The following CCDC80 variants were observed in gnomAD, a reference collection of about 807,000 sequenced individuals.
CCDC80 encodes the protein coiled-coil domain-containing protein 80.
Under a neutral mutation model 78.7 loss-of-function variants are expected in CCDC80, and 49 were observed. That is an observed-to-expected ratio of 0.62 (90% CI 0.50 to 0.79). CCDC80 has a LOEUF of 0.79. Among genes scored for constraint, CCDC80 ranks in the 30% least tolerant of loss-of-function variants. The pLI is 0.00. For missense variants in CCDC80, 1,205 were observed against 1,198.6 expected (o/e 1.01, Z -0.08); for synonymous variants, 488 against 447.0 (o/e 1.09, Z -1.16).
chr3:112,639,162 A>G lies in CCDC80; in HGVS notation c.744T>C (p.Tyr248=). 6.2e-7 allele frequency: 1 copy of G among 1,614,096 alleles called. No individual in the cohort carries two copies. The highest frequency in any genetic ancestry group is 8.5e-7 in the Non-Finnish European group (1 of 1,180,014). Residue 248 remains tyrosine, a synonymous_variant, in exon 2 of 8, where the codon TAT becomes TAC. Coordinates refer to ENST00000206423, the MANE Select transcript of CCDC80 (RefSeq NM_199511.3). ...TGGCTTCCAGCCTAACGGGATATGGATAGCGCTCCTCCACCTGCAGCGTCT... is the reference window on the plus strand; with the variant it reads ...TGGCTTCCAGCCTAACGGGATATGGGTAGCGCTCCTCCACCTGCAGCGTCT... ...LKKTLQVEER[Y]PYPVRLEAMY... is the part of the protein sequence containing the mutation.
intron 3 of CCDC80, among the ~76,000 whole-genome samples, chr3:112,623,936 T>C (rs1443677967): frequency 6.6e-6 from 1 of 152,226 alleles, no homozygotes; most frequent in Non-Finnish European, 1.5e-5. Flanking sequence ...TTTACATATC[T>C]GTCTTCCCCC....
At chr3:112,609,149 T>C (rs1015869381) in intron 6 of CCDC80, among the ~76,000 whole-genome samples, 6 of 152,178 alleles carry the variant, frequency 3.9e-5, no homozygotes, top group Admixed American at 6.5e-5. Flanking sequence ...GTATATCTCA[T>C]ATGAGATTTC....
At chr3:112,620,992 A>G (rs1168255917) in intron 3 of CCDC80, among the ~76,000 whole-genome samples, 1 of 152,210 alleles carries the variant, frequency 6.6e-6, no homozygotes, top group Admixed American at 6.5e-5. Flanking sequence ...GACCACTAGC[A>G]TCTACTTAAT....
rs1935454031 is a variant in CCDC80, at chr3:112,605,133, A to C, written c.*284T>G. ...TTTATAAAATTTTATATGCCAAATA[A>C]GGTCCTTCATATAAGAAAAGGAAAA... On this transcript the variant is annotated 3_prime_UTR_variant, in exon 8 of 8. Transcript: ENST00000206423. 7.4e-6 allele frequency: 2 copies of C among 271,988 alleles called. No homozygotes were observed. Among genetic ancestry groups the C allele is most frequent in the Non-Finnish European group, 1.4e-5 (2 of 147,442 alleles). The allele number at this position is 271,988 out of a possible 1,614,324, so 16.8% of individuals were successfully genotyped here.
At chr3:112,617,266 AAG>A (rs1935773022) in intron 4 of CCDC80, among the ~76,000 whole-genome samples, 1 of 152,212 alleles carries the variant, frequency 6.6e-6, no homozygotes, top group Admixed American at 6.5e-5. Flanking sequence ...CCTGAGCAAT[AAG>A]AGTAGTTTTC....
At chr3:112,624,223 C>A (rs1470065860) in intron 3 of CCDC80, among the ~76,000 whole-genome samples, 1 of 152,186 alleles carries the variant, frequency 6.6e-6, no homozygotes, top group African/African-American at 2.4e-5. Flanking sequence ...AAAACACATT[C>A]ATATATATTT....
intron 4 of CCDC80, among the ~76,000 whole-genome samples, chr3:112,617,325 C>T (rs1490167566): frequency 6.6e-6 from 1 of 152,204 alleles, no homozygotes; most frequent in African/African-American, 2.4e-5. Context: ...ACTGAGTAAA[C>T]ATCACTTAAT....
chr3:112,640,038 G>C (rs745919364), intron 1 of CCDC80, 122 bp from the exon 2 acceptor site: 213 of 1,438,590 alleles, frequency 1.5e-4, no homozygotes, highest in Non-Finnish European at 1.8e-4. Context: ...AGGGGAAAAG[G>C]TTGGTTAGAG....
chr3:112,635,008 C>T lies in CCDC80; in HGVS notation c.1878+3020G>A, dbSNP rs114964853. ...TGGCAAAGTACCTTGCAGGATGTGC[C>T]CTTCTTCGTCAACAGGTTTAGAGGC... On this transcript the variant is annotated intron_variant, in intron 2 of 7. Transcript: ENST00000206423. 1.7e-3 allele frequency among the ~76,000 whole-genome samples: 261 copies of T among 152,248 alleles called. 1 individual carries two copies. Among genetic ancestry groups the T allele is most frequent in the African/African-American group, 6.1e-3 (252 of 41,546 alleles).
At position 112,604,929 on chromosome 3, in the gene CCDC80, ATATCT is replaced by A. The variant is rs561357780; in HGVS notation, c.*483_*487del. 31 of 152,412 alleles carry A rather than the reference ATATCT, an allele frequency of 2.0e-4. No individual in the cohort carries two copies. Among genetic ancestry groups the A allele is most frequent in the African/African-American group, 7.2e-4 (30 of 41,572 alleles). The allele number at this position is 152,412 out of a possible 1,614,324, so 9.4% of individuals were successfully genotyped here. A position where few individuals can be genotyped will look rare whatever the true frequency, so the allele number is the denominator to read the frequency against. ...TAAAAGAAACTCATACAAAGCAGAG[ATATCT>A]TAATTATTTTCAGACTGGCATTTCA... On this transcript the variant is annotated 3_prime_UTR_variant, in exon 8 of 8. Coordinates refer to ENST00000206423, the MANE Select transcript of CCDC80 (RefSeq NM_199511.3).
chr3:112,638,566 G>A lies in CCDC80; in HGVS notation c.1340C>T (p.Pro447Leu). The change falls in exon 2 of 8, where the codon CCC (proline) becomes CTC (leucine). Residue 447 changes from proline to leucine, a missense_variant. Physicochemically the swap from Pro to Leu is moderately conservative, Grantham distance 98. Coordinates refer to ENST00000206423, the MANE Select transcript of CCDC80 (RefSeq NM_199511.3). The stretch of plus-strand genomic sequence containing the variant: ...TGTGCTGGGTTCTGAGATGGTGGTG[G>A]GAGGGGCATTTGTGAAGCTCTCCAA... ...TSLESFTNAP[P>L]TTISEPSTRA... The A allele has an allele frequency of 6.2e-7, 1 of 1,614,118 alleles. No individual in the cohort carries two copies. The highest frequency in any genetic ancestry group is 1.1e-5 in the South Asian group (1 of 91,074).
chr3:112,639,987 CAG>C, intron 1 of CCDC80, 71 bp from the exon 2 acceptor site: 1 of 1,491,476 alleles, frequency 6.7e-7, no homozygotes. Context: ...TATCTGGAAA[CAG>C]AGCTGGTCAT....
rs1160116017 is a variant in CCDC80, at chr3:112,610,007, G to A, written c.2396C>T (p.Ser799Phe). Residue 799 changes from serine to phenylalanine, a missense_variant, in exon 6 of 8, where the codon TCT (serine) becomes TTT (phenylalanine). By Grantham distance (155) the Ser-to-Phe change is radical (BLOSUM62 -2). Coordinates refer to ENST00000206423, the MANE Select transcript of CCDC80 (RefSeq NM_199511.3). ...DEDWAYSQQLSALSGQACNFG... is the reference protein window; with the variant it reads ...DEDWAYSQQLFALSGQACNFG... Reference sequence around the variant, plus strand: ...ATTGCACGCCTGACCACTGAGGGCAGAGAGCTGCTGTGAATAGGCCCAGTC... The same window carrying A: ...ATTGCACGCCTGACCACTGAGGGCAAAGAGCTGCTGTGAATAGGCCCAGTC... 4 of 1,613,910 alleles carry A rather than the reference G, an allele frequency of 2.5e-6. No individual in the cohort carries two copies. The African/African-American group carries it at 5.3e-5, about 22-fold the overall frequency.
At chr3:112,613,005 T>C (rs1935662877) in intron 5 of CCDC80, among the ~76,000 whole-genome samples, 1 of 152,126 alleles carries the variant, frequency 6.6e-6, no homozygotes, top group East Asian at 1.9e-4. Context: ...TACTAATAAG[T>C]AGCATTTATT....
chr3:112,618,443 C>T (rs372429091), intron 4 of CCDC80, among the ~76,000 whole-genome samples: 2 of 152,048 alleles, frequency 1.3e-5, no homozygotes, highest in African/African-American at 4.8e-5. Flanking sequence ...AGGAGAATGG[C>T]GTGAACCTGG....
In CCDC80 at chr3:112,638,053, G is replaced by A. The variant is rs1936242441; in HGVS notation, c.1853C>T (p.Ser618Phe). The A allele has an allele frequency of 6.2e-7, 1 of 1,606,762 alleles. No homozygotes were observed. The highest frequency in any genetic ancestry group is 2.2e-5 in the East Asian group (1 of 44,852). The change falls in exon 2 of 8, where the codon TCC (serine) becomes TTC (phenylalanine). Residue 618 changes from serine to phenylalanine, a missense_variant. Ser to Phe is a radical substitution (Grantham distance 155, BLOSUM62 -2). Transcript: ENST00000206423. ...PKKSVADLLG[S>F]FEGKRRLLLI... The stretch of plus-strand genomic sequence containing the variant: ...AAGGAGTCTTCGTTTGCCTTCAAAG[G>A]ACCCCAGCAGGTCGGCCACTGACTT...
Position 112,639,412 on chromosome 3 carries a change from C to T in CCDC80, c.494G>A (p.Arg165His), listed in dbSNP as rs762679378. ...GTCCTTCAGCAGGCTCATCATGAGG[C>T]GGTAGTAGCCTTCCGAGGCATGAGG... ...SAPHASEGYY[R>H]LMMSLLKDDV... is the part of the protein sequence containing the mutation. Residue 165 changes from arginine to histidine, a missense_variant, in exon 2 of 8, where the codon CGC becomes CAC. Coordinates refer to ENST00000206423, the MANE Select transcript of CCDC80 (RefSeq NM_199511.3). 6.2e-6 allele frequency: 10 copies of T among 1,614,172 alleles called. No homozygotes were observed. In the South Asian group the frequency reaches 8.8e-5, roughly 14 times the overall value.
At chr3:112,612,516 G>C (rs558963474) in intron 5 of CCDC80, among the ~76,000 whole-genome samples, 1 of 152,142 alleles carries the variant, frequency 6.6e-6, no homozygotes, top group African/African-American at 2.4e-5. Flanking sequence ...CTCATGACAC[G>C]GAAGGAAACT....
chr3:112,628,283 TC>T (rs1576791049), intron 3 of CCDC80, among the ~76,000 whole-genome samples: 1 of 152,232 alleles, frequency 6.6e-6, no homozygotes, highest in Non-Finnish European at 1.5e-5. Context: ...AGTATTAGTC[TC>T]TTGGGCTTCA....
Sources: allele counts gnomAD v4.1 joint callset (sites outside exome capture counted in the v4.1 genomes callset), GRCh38; gene constraint gnomAD v4.1.1; transcripts MANE v1.5; gene names NCBI Gene and HGNC (gene_info 2026-07-23, HGNC 2026-07-21).